The following ELF1 variants were observed in gnomAD, a reference collection of about 807,000 sequenced individuals.
ELF1 encodes E74 like ETS transcription factor 1, also known as ETS-related transcription factor Elf-1.
In ELF1, 24 loss-of-function variants were observed where a neutral mutation model predicts 59.9. That is an observed-to-expected ratio of 0.40 (90% confidence interval 0.29 to 0.56). ELF1 has a LOEUF of 0.56. Ranked by LOEUF, ELF1 falls within the 20% of genes least tolerant of loss-of-function variation. The pLI is 0.44. For missense variants in ELF1, 627 were observed against 742.2 expected (o/e 0.84, Z 1.80); for synonymous variants, 248 against 266.2 (o/e 0.93, Z 0.67).
chr13:40,952,614 T>A (rs1870926865), intron 3 of ELF1, among the ~76,000 whole-genome samples: 1 of 152,164 alleles, frequency 6.6e-6, no homozygotes, highest in Non-Finnish European at 1.5e-5. Flanking sequence ...AAGCCAGGCC[T>A]TGAATTCCTG....
At chr13:41,042,453 C>T (rs1255548320) in intron 1 of ELF1, among the ~76,000 whole-genome samples, 5 of 152,016 alleles carry the variant, frequency 3.3e-5, no homozygotes, top group African/African-American at 1.2e-4. Flanking sequence ...TGCTATCCCT[C>T]CCCACTCCCC....
chr13:40,991,725 T>G (rs1873863079), intron 1 of ELF1, among the ~76,000 whole-genome samples: 1 of 152,226 alleles, frequency 6.6e-6, no homozygotes, highest in African/African-American at 2.4e-5. Context: ...AGCAAATAAC[T>G]TGATATTATT....
At chr13:41,044,575 G>T (rs958633216) in intron 1 of ELF1, among the ~76,000 whole-genome samples, 26 of 152,270 alleles carry the variant, frequency 1.7e-4, no homozygotes, top group Admixed American at 4.6e-4. Flanking sequence ...CTTTGGCTCT[G>T]TTTATATGAT....
At chr13:41,045,992 G>C (rs1876827845) in intron 1 of ELF1, among the ~76,000 whole-genome samples, 1 of 152,144 alleles carries the variant, frequency 6.6e-6, no homozygotes, top group Non-Finnish European at 1.5e-5. Flanking sequence ...TATATATTTA[G>C]GATAGTTAGC....
chr13:41,020,209 A>T (rs1229643619), upstream of ELF1, among the ~76,000 whole-genome samples: 4 of 152,238 alleles, frequency 2.6e-5, no homozygotes, highest in Non-Finnish European at 4.4e-5. Flanking sequence ...AATACATCTG[A>T]CAAAGTGCCC....
At chr13:41,032,890 TATGGTTACA>T (rs1228574970) in intron 1 of ELF1, among the ~76,000 whole-genome samples, 2 of 151,258 alleles carry the variant, frequency 1.3e-5, no homozygotes, top group African/African-American at 4.9e-5. Context: ...AACTTAGTAC[TATGGTTACA>T]ATGCTCATAA....
intron 5 of ELF1, among the ~76,000 whole-genome samples, chr13:40,949,037 G>A (rs552765732): frequency 1.4e-4 from 21 of 152,214 alleles, no homozygotes; most frequent in Non-Finnish European, 2.8e-4. Flanking sequence ...CCAGGCTAGA[G>A]TTCAATGTTG....
chr13:41,060,290 C>T (rs1877473547), intron 1 of ELF1, among the ~76,000 whole-genome samples: 2 of 152,216 alleles, frequency 1.3e-5, no homozygotes, highest in African/African-American at 4.8e-5. Flanking sequence ...CGGGCGCGGG[C>T]TCTGGGGCGC....
intron 1 of ELF1, among the ~76,000 whole-genome samples, chr13:41,002,620 AAAATAAAT>A (rs143879156): frequency 6.6e-6 from 1 of 151,644 alleles, no homozygotes; most frequent in Admixed American, 6.6e-5. Context: ...CCATCTCAAA[AAAATAAAT>A]AAATAAATAA....
intron 5 of ELF1, among the ~76,000 whole-genome samples, chr13:40,945,669 T>C (rs1315138427): frequency 6.6e-6 from 1 of 152,176 alleles, no homozygotes; most frequent in African/African-American, 2.4e-5. Context: ...CTTCCTCACT[T>C]TTTATATTCT....
At chr13:41,040,624 C>T (rs1876567038) in intron 1 of ELF1, among the ~76,000 whole-genome samples, 1 of 152,114 alleles carries the variant, frequency 6.6e-6, no homozygotes, top group South Asian at 2.1e-4. Context: ...CTCACATGTA[C>T]AGTTCACAAT....
At chr13:41,044,145 T>G (rs542864542) in intron 1 of ELF1, among the ~76,000 whole-genome samples, 13 of 152,346 alleles carry the variant, frequency 8.5e-5, no homozygotes, top group Admixed American at 5.9e-4. Context: ...CACATTGATT[T>G]TGTATCCTGA....
At chr13:41,010,507 GTGTGCA>G (rs1875000321) in intron 1 of ELF1, among the ~76,000 whole-genome samples, 1 of 141,654 alleles carries the variant, frequency 7.1e-6, no homozygotes, top group Non-Finnish European at 1.5e-5. Context: ...GTGTGTGTGT[GTGTGCA>G]CACTTTCCTT....
chr13:41,059,846 C>T (rs773751936), intron 1 of ELF1, among the ~76,000 whole-genome samples: 2 of 152,188 alleles, frequency 1.3e-5, no homozygotes, highest in Non-Finnish European at 2.9e-5. Context: ...ACCTCCACCC[C>T]AGGATGTTTT....
chr13:40,945,838 A>G (rs1325299809), intron 5 of ELF1, among the ~76,000 whole-genome samples: 1 of 151,992 alleles, frequency 6.6e-6, no homozygotes, highest in African/African-American at 2.4e-5. Flanking sequence ...GATGTTTTCA[A>G]TTTCATTTCA....
chr13:40,998,719 A>T (rs1874254029), intron 1 of ELF1, among the ~76,000 whole-genome samples: 1 of 152,238 alleles, frequency 6.6e-6, no homozygotes, highest in Admixed American at 6.5e-5. Flanking sequence ...TCAATTTTTA[A>T]ATCAGTTGAA....
chr13:41,028,691 T>C (rs1876045542), intron 1 of ELF1, among the ~76,000 whole-genome samples: 1 of 152,238 alleles, frequency 6.6e-6, no homozygotes, highest in Non-Finnish European at 1.5e-5. Context: ...TACTATGTAA[T>C]ATAAGATGTA....
rs1322762411 is a variant in ELF1 at position 40,982,157 on chromosome 13, T to C, written c.-103A>G. Reference sequence around the variant, plus strand: ...GATTTGGGTAAAAAACCCTCAGCTCTGTCTGTGGAGTAATTGTATACCCAA... The same window carrying C: ...GATTTGGGTAAAAAACCCTCAGCTCCGTCTGTGGAGTAATTGTATACCCAA... On this transcript the variant is annotated 5_prime_UTR_variant, in exon 2 of 9. Coordinates refer to ENST00000239882, the MANE Select transcript of ELF1 (RefSeq NM_172373.4). The C allele has an allele frequency of 2.7e-6, 4 of 1,507,932 alleles. No homozygotes were observed. In the African/African-American group the frequency reaches 5.6e-5, roughly 21 times the overall value. 93.4% of individuals were successfully genotyped at this position (1,507,932 alleles called of 1,614,324 possible).
At chr13:40,943,735 A>G (rs1870328526) in intron 6 of ELF1, 107 bp downstream of exon 6, 6 of 825,232 alleles carry the variant, frequency 7.3e-6, no homozygotes, top group Non-Finnish European at 1.0e-5. Context: ...GGCAGCAATA[A>G]GATCCACTGC....
Sources: gnomAD v4.1 joint callset for allele counts (sites outside exome capture counted in the v4.1 genomes callset) on GRCh38, gnomAD v4.1.1 for gene constraint, MANE v1.5 for transcripts, NCBI Gene and HGNC (gene_info 2026-07-23, HGNC 2026-07-21) for gene names.